ASPH: variants seen among roughly 807,000 people sequenced by gnomAD.
ASPH encodes aspartyl/asparaginyl beta-hydroxylase.
In ASPH, 100 loss-of-function variants were observed where a neutral mutation model predicts 118.4. That is an observed-to-expected ratio of 0.84 (90% confidence interval 0.72 to 1.00). The LOEUF (loss-of-function observed/expected upper bound fraction) is 1.00, where lower values mean the gene tolerates loss of function less well. Among genes scored for constraint, ASPH ranks in the 50% least tolerant of loss-of-function variants. The pLI is 0.00. For missense variants in ASPH, 920 were observed against 919.5 expected (o/e 1.00, Z -0.01); for synonymous variants, 315 against 325.6 (o/e 0.97, Z 0.35).
intron 21 of ASPH, among the ~76,000 whole-genome samples, chr8:61,544,374 T>C (rs2130726086): frequency 6.6e-6 from 1 of 152,378 alleles, no homozygotes; most frequent in East Asian, 1.9e-4. Context: ...CATTCTGATG[T>C]TCTGCCTCAT....
At position 61,644,644 on chromosome 8, in the gene ASPH, A is replaced by G. The variant is rs763423069; in HGVS notation, c.620-12T>C. The G allele has an allele frequency of 1.9e-6, 3 of 1,583,704 alleles. No individual in the cohort carries two copies. The highest frequency in any genetic ancestry group is 1.7e-6 in the Non-Finnish European group (2 of 1,163,974). On this transcript the variant is annotated splice_polypyrimidine_tract_variant and intron_variant, in intron 6 of 24. Transcript: ENST00000379454. ...ACTATGCTCGGTTTCTGGAAAAAAA[A>G]AAATTAGATTGATATTTACTGCTTT...
At chr8:61,574,704 G>T (rs1357323662) in intron 16 of ASPH, among the ~76,000 whole-genome samples, 2 of 152,124 alleles carry the variant, frequency 1.3e-5, no homozygotes, top group African/African-American at 4.8e-5. Flanking sequence ...GTCGGGTGGG[G>T]GGCTAGGGGA....
intron 13 of ASPH, chr8:61,628,350 T>C (rs1198298617): frequency 4.3e-6 from 1 of 231,618 alleles, no homozygotes; most frequent in African/African-American, 3.9e-5. Context: ...TTTTTTTTTT[T>C]AAGAGATGGG....
rs868715758 is a variant in ASPH at position 61,518,802 on chromosome 8, G to T, written c.1901-679C>A. On this transcript the variant is annotated intron_variant, in intron 22 of 24. Coordinates refer to ENST00000379454, the MANE Select transcript of ASPH (RefSeq NM_004318.4). ...AATCAATTCAACTTTTTCTTGTAGG[G>T]TCATGACTTTTCTCTGCTTCTTGGC... Among the ~76,000 whole-genome samples the T allele has an allele frequency of 3.3e-5, 5 of 152,262 alleles. No individual in the cohort carries two copies. The Middle Eastern group carries it at 0.01, about 311-fold the overall frequency.
chr8:61,684,885 C>T (rs148263852), intron 1 of ASPH, among the ~76,000 whole-genome samples: 15 of 152,106 alleles, frequency 9.9e-5, no homozygotes, highest in Non-Finnish European at 1.5e-4. Context: ...TTGATATTAA[C>T]AGAAAATAGT....
At chr8:61,707,949 T>C (rs916982721) in intron 1 of ASPH, among the ~76,000 whole-genome samples, 3 of 152,342 alleles carry the variant, frequency 2.0e-5, no homozygotes, top group East Asian at 3.9e-4. Context: ...TAATAATAGA[T>C]ACAGTTTACA....
intron 4 of ASPH, 38 bp downstream of exon 4, chr8:61,653,530 C>A (rs774415960): frequency 6.3e-7 from 1 of 1,596,808 alleles, no homozygotes; most frequent in South Asian, 1.1e-5. Flanking sequence ...CAGGCTCTGG[C>A]ACACCTGGGC....
At chr8:61,579,244 G>A in intron 15 of ASPH, 2 of 1,613,952 alleles carry the variant, frequency 1.2e-6, no homozygotes, top group East Asian at 4.5e-5. Context: ...GAGCAGCGTG[G>A]AGAGCTGGCC....
At chr8:61,599,047 A>G (rs1378571472) in intron 14 of ASPH, among the ~76,000 whole-genome samples, 1 of 152,214 alleles carries the variant, frequency 6.6e-6, no homozygotes, top group Admixed American at 6.5e-5. Flanking sequence ...ATGTAGAAAG[A>G]TTTCAAATAA....
chr8:61,569,725 A>G (rs1832892663), intron 16 of ASPH, among the ~76,000 whole-genome samples: 1 of 152,218 alleles, frequency 6.6e-6, no homozygotes, highest in African/African-American at 2.4e-5. Flanking sequence ...AAAAATCTCT[A>G]GATTAGAAAA....
chr8:61,643,048 C>A, intron 9 of ASPH, 128 bp from the exon 10 acceptor site: 2 of 846,892 alleles, frequency 2.4e-6, no homozygotes, highest in Non-Finnish European at 3.5e-6. Context: ...TTAATGTCTG[C>A]TCAGTCAATA....
At chr8:61,534,401 T>A (rs1818715418) in intron 21 of ASPH, among the ~76,000 whole-genome samples, 1 of 152,220 alleles carries the variant, frequency 6.6e-6, no homozygotes, top group South Asian at 2.1e-4. Context: ...CCCTTATTAG[T>A]CTTTCAAATT....
rs1563553724 is a variant in ASPH, at chr8:61,679,942, T to TAATAAA, written c.322+1025_322+1026insTTTATT. On this transcript the variant is annotated intron_variant, in intron 3 of 24. Transcript: ENST00000379454. ...AACACTAATTCCCAATGGGCAATAA[T>TAATAAA]AAAAAAAAAAAAAAAACAAAAAACA... is the stretch of plus-strand genomic sequence containing the variant. Among the ~76,000 whole-genome samples the TAATAAA allele has an allele frequency of 8.4e-4, 56 of 66,366 alleles. 2 individuals are homozygous for TAATAAA. The highest frequency in any genetic ancestry group is 3.3e-3 in the East Asian group (9 of 2,762). The allele number at this position is 66,366 out of a possible 152,430, so 43.5% of individuals were successfully genotyped here.
chr8:61,689,693 A>C (rs1354162591), intron 1 of ASPH: 7 of 1,588,042 alleles, frequency 4.4e-6, no homozygotes, highest in Non-Finnish European at 5.2e-6. Flanking sequence ...AGCCATTTTG[A>C]TTTCTTCAAT....
chr8:61,653,918 T>C (rs894956872), intron 3 of ASPH, among the ~76,000 whole-genome samples: 11 of 152,196 alleles, frequency 7.2e-5, no homozygotes, highest in Middle Eastern at 3.2e-3. Context: ...CATGAATCTC[T>C]AAAACAGTCA....
At chr8:61,675,463 A>G (rs1327083049) in intron 3 of ASPH, 7 of 984,754 alleles carry the variant, frequency 7.1e-6, no homozygotes, top group Non-Finnish European at 8.4e-6. Context: ...ACTCTAAGGC[A>G]AAAACATGGA....
At chr8:61,531,531 T>A (rs1817554406) in intron 21 of ASPH, among the ~76,000 whole-genome samples, 1 of 151,992 alleles carries the variant, frequency 6.6e-6, no homozygotes, top group African/African-American at 2.4e-5. Flanking sequence ...TGTTTTATAA[T>A]TTTTTTCTTG....
chr8:61,591,269 T>C (rs1415771694), intron 14 of ASPH, among the ~76,000 whole-genome samples: 9 of 152,222 alleles, frequency 5.9e-5, no homozygotes, highest in African/African-American at 2.2e-4. Context: ...ATATCAGCTG[T>C]CTTTTAAAAA....
chr8:61,527,239 G>C (rs1253125075), intron 21 of ASPH, among the ~76,000 whole-genome samples: 2 of 152,130 alleles, frequency 1.3e-5, no homozygotes, highest in Admixed American at 6.5e-5. Context: ...TGTAAATCAT[G>C]GTTCTCTATC....
Sources: allele counts gnomAD v4.1 joint callset (sites outside exome capture counted in the v4.1 genomes callset), GRCh38; gene constraint gnomAD v4.1.1; transcripts MANE v1.5; gene names NCBI Gene and HGNC (gene_info 2026-07-23, HGNC 2026-07-21).